Variants in CLMP observed in about 807,000 individuals in gnomAD.
CLMP encodes CXADR like cell adhesion molecule.
CLMP carries 27 observed loss-of-function variants against 45.2 expected under a neutral mutation model. The observed-to-expected ratio is 0.60, with a 90% confidence interval of 0.44 to 0.82. The LOEUF is 0.82. CLMP is among the 40% of genes least tolerant of loss of function. CLMP has a pLI of 0.00. For missense variants in CLMP, 403 were observed against 448.4 expected (o/e 0.90, Z 0.91); for synonymous variants, 167 against 171.4 (o/e 0.97, Z 0.20).
At chr11:123,089,324 G>T (rs942431896) in intron 2 of CLMP, among the ~76,000 whole-genome samples, 11 of 151,852 alleles carry the variant, frequency 7.2e-5, no homozygotes, top group Admixed American at 7.2e-4. Context: ...GACGAAGTTT[G>T]CAGTGAGCCG....
intron 1 of CLMP, among the ~76,000 whole-genome samples, chr11:123,126,293 A>C (rs1860894501): frequency 6.6e-6 from 1 of 152,230 alleles, no homozygotes; most frequent in Non-Finnish European, 1.5e-5. Context: ...GCTTGTCACC[A>C]AATAGGCCCT....
chr11:123,159,346 C>A (rs918040618), intron 1 of CLMP, among the ~76,000 whole-genome samples: 3 of 152,086 alleles, frequency 2.0e-5, no homozygotes, highest in African/African-American at 7.2e-5. Flanking sequence ...CTTGGCCCGG[C>A]GATGGGGCAA....
At chr11:123,175,345 G>A (rs1163093056) in intron 1 of CLMP, among the ~76,000 whole-genome samples, 2 of 152,122 alleles carry the variant, frequency 1.3e-5, no homozygotes, top group Non-Finnish European at 2.9e-5. Flanking sequence ...ACACTTATAA[G>A]ACCAACAGAT....
At chr11:123,150,460 AAAGAAAGAAAGAAAGAAAGAAAGG>A (rs1861301976) in intron 1 of CLMP, among the ~76,000 whole-genome samples, 14 of 102,700 alleles carry the variant, frequency 1.4e-4, no homozygotes, top group Non-Finnish European at 2.1e-4. Flanking sequence ...AGAAAGAAAG[AAAGAAAGAAAGAAAGAAAGAAAGG>A]AAGGAAGGAA....
At chr11:123,084,351 G>A (rs1453093541) in intron 3 of CLMP, among the ~76,000 whole-genome samples, 161 bp downstream of exon 3, 1 of 152,058 alleles carries the variant, frequency 6.6e-6, no homozygotes, top group African/African-American at 2.4e-5. Flanking sequence ...CTATAATACA[G>A]AAGATACACA....
intron 1 of CLMP, among the ~76,000 whole-genome samples, chr11:123,159,732 G>A (rs1861459438): frequency 6.6e-6 from 1 of 152,158 alleles, no homozygotes; most frequent in South Asian, 2.1e-4. Flanking sequence ...TGAGTCTGCA[G>A]GGATGAGTAG....
intron 1 of CLMP, among the ~76,000 whole-genome samples, chr11:123,190,602 A>G (rs1222315639): frequency 1.3e-5 from 2 of 152,176 alleles, no homozygotes; most frequent in Non-Finnish European, 1.5e-5. Context: ...ATACACCCAC[A>G]TCTTTGGGAC....
intron 1 of CLMP, among the ~76,000 whole-genome samples, chr11:123,131,419 T>C (rs1860986617): frequency 6.6e-6 from 1 of 152,106 alleles, no homozygotes; most frequent in African/African-American, 2.4e-5. Context: ...CTCTTCTTAC[T>C]TTAATTTTAT....
At chr11:123,180,401 G>C (rs1861753717) in intron 1 of CLMP, among the ~76,000 whole-genome samples, 1 of 152,078 alleles carries the variant, frequency 6.6e-6, no homozygotes, top group African/African-American at 2.4e-5. Flanking sequence ...GCCCCAGAGA[G>C]CTCCCTTACC....
At chr11:123,146,916 C>T (rs964407400) in intron 1 of CLMP, among the ~76,000 whole-genome samples, 3 of 152,162 alleles carry the variant, frequency 2.0e-5, no homozygotes, top group African/African-American at 7.2e-5. Context: ...CCCTACTTAC[C>T]AAGAACCAGC....
intron 1 of CLMP, among the ~76,000 whole-genome samples, chr11:123,125,833 T>C (rs553888352): frequency 6.6e-6 from 1 of 152,050 alleles, no homozygotes; most frequent in African/African-American, 2.4e-5. Context: ...CTCAAACTCC[T>C]GACCTCATGT....
At chr11:123,167,380 G>T (rs1025415282) in intron 1 of CLMP, among the ~76,000 whole-genome samples, 2 of 152,106 alleles carry the variant, frequency 1.3e-5, no homozygotes, top group Admixed American at 6.5e-5. Flanking sequence ...CCACCTCCTG[G>T]GTTCACACCA....
intron 1 of CLMP, among the ~76,000 whole-genome samples, chr11:123,101,616 G>A (rs897178018): frequency 1.3e-5 from 2 of 152,192 alleles, no homozygotes; most frequent in African/African-American, 2.4e-5. Flanking sequence ...CATCTGAAAC[G>A]GCCTTGGCAA....
At chr11:123,172,395 G>C (rs1387761371) in intron 1 of CLMP, among the ~76,000 whole-genome samples, 3 of 151,990 alleles carry the variant, frequency 2.0e-5, no homozygotes, top group African/African-American at 7.3e-5. Context: ...ACAGGCTTGA[G>C]CCACCGCACC....
At chr11:123,126,211 C>G (rs1420239156) in intron 1 of CLMP, among the ~76,000 whole-genome samples, 2 of 152,176 alleles carry the variant, frequency 1.3e-5, no homozygotes, top group Admixed American at 6.5e-5. Flanking sequence ...AGTGTCTCAT[C>G]TTTTCTCCTA....
chr11:123,080,864 G>A (rs1458105800), intron 5 of CLMP, among the ~76,000 whole-genome samples: 5 of 152,138 alleles, frequency 3.3e-5, no homozygotes, highest in East Asian at 1.9e-4. Flanking sequence ...ATAAGGGGGC[G>A]CTGGGTGTGG....
chr11:123,188,641 G>A (rs185760762), intron 1 of CLMP, among the ~76,000 whole-genome samples: 1 of 152,262 alleles, frequency 6.6e-6, no homozygotes, highest in Admixed American at 6.5e-5. Context: ...TTTCTCCCCT[G>A]CCTGCTGTTG....
chr11:123,084,293 A>G (rs551187223), intron 3 of CLMP, among the ~76,000 whole-genome samples: 2 of 152,320 alleles, frequency 1.3e-5, no homozygotes, highest in African/African-American at 4.8e-5. Context: ...ATGTTTTGTA[A>G]TGGACAACTA....
chr11:123,117,942 G>C (rs1308717735), intron 1 of CLMP, among the ~76,000 whole-genome samples: 1 of 152,174 alleles, frequency 6.6e-6, no homozygotes, highest in Admixed American at 6.5e-5. Context: ...CAGCACTAAA[G>C]AATGTGGCGG....
Sources: allele counts gnomAD v4.1 joint callset (sites outside exome capture counted in the v4.1 genomes callset), GRCh38; gene constraint gnomAD v4.1.1; transcripts MANE v1.5; gene names NCBI Gene and HGNC (gene_info 2026-07-23, HGNC 2026-07-21).